The following EXOSC3 variants were observed in gnomAD, a reference collection of about 807,000 sequenced individuals.
EXOSC3 encodes exosome component 3.
EXOSC3 carries 18 observed loss-of-function variants against 25.1 expected under a neutral mutation model. The observed-to-expected ratio is 0.72, with a 90% CI of 0.50 to 1.06. EXOSC3 has a LOEUF of 1.06. Among genes scored for constraint, EXOSC3 ranks in the 50% least tolerant of loss-of-function variants. EXOSC3 has a pLI of 0.00. For missense variants in EXOSC3, 382 were observed against 350.9 expected, an observed-to-expected ratio of 1.09 and a Z score of -0.71; for synonymous variants, 165 against 132.2, an observed-to-expected ratio of 1.25 and a Z score of -1.70.
intron 2 of EXOSC3, among the ~76,000 whole-genome samples, chr9:37,783,074 C>T (rs1201325700): frequency 3.9e-5 from 6 of 152,060 alleles, no homozygotes; most frequent in Non-Finnish European, 5.9e-5. Flanking sequence ...AGTTTAATGG[C>T]GTTTGGTGTG....
chr9:37,784,645 T>C, intron 1 of EXOSC3, 76 bp downstream of exon 1: 1 of 1,444,250 alleles, frequency 6.9e-7, no homozygotes, highest in Non-Finnish European at 9.2e-7. Context: ...AGGGTCCCTC[T>C]CTTCTTTTGG....
chr9:37,783,799 A>G, intron 2 of EXOSC3, 115 bp downstream of exon 2: 1 of 1,095,244 alleles, frequency 9.1e-7, no homozygotes, highest in Non-Finnish European at 1.2e-6. Context: ...GCAATTATAT[A>G]CAAGCTCAGA....
intron 2 of EXOSC3, among the ~76,000 whole-genome samples, chr9:37,783,462 C>T (rs1295487215): frequency 6.6e-6 from 1 of 152,084 alleles, no homozygotes; most frequent in East Asian, 1.9e-4. Flanking sequence ...TGTGGCTATG[C>T]TACCTGAAAA....
At chr9:37,781,674 G>A in intron 3 of EXOSC3, 1 of 261,798 alleles carries the variant, frequency 3.8e-6, no homozygotes, top group Non-Finnish European at 7.2e-6. Flanking sequence ...CAGGGGAAAG[G>A]CCAGTTTTCA....
chr9:37,784,210 A>T lies in EXOSC3; in HGVS notation c.325-147T>A, dbSNP rs566332754. 1.2e-4 allele frequency: 103 copies of T among 877,004 alleles called. 2 individuals carry two copies. The South Asian group carries it at 1.8e-3, about 15-fold the overall frequency. 54.3% of individuals were successfully genotyped at this position (877,004 alleles called of 1,614,324 possible). On this transcript the variant is annotated intron_variant, in intron 1 of 3. Transcript: ENST00000327304. ...TTTCGGTAAAAGAAAATCACTTCAT[A>T]AAGTGCCGGGTGTGCAGCTTCTGGT...
chr9:37,782,101 T>C lies in EXOSC3; in HGVS notation c.511A>G (p.Asn171Asp), dbSNP rs141077639. Residue 171 changes from asparagine to aspartate, a missense_variant, in exon 3 of 4, where the codon AAT (asparagine) becomes GAT (aspartate). Coordinates refer to ENST00000327304, the MANE Select transcript of EXOSC3 (RefSeq NM_016042.4). ...ACCATCTCTGGTTCCATGTCTTTAT[T>C]AGCAACCACAAACTGGCCATAGATG... ...DLIYGQFVVA[N>D]KDMEPEMVCI... 8 of 1,614,126 alleles carry C rather than the reference T, an allele frequency of 5.0e-6. No individual in the cohort carries two copies. The East Asian group carries it at 1.8e-4, about 36-fold the overall frequency.
chr9:37,785,010 A>G lies in EXOSC3; in HGVS notation c.35T>C (p.Leu12Pro), dbSNP rs1447275667. Residue 12 changes from leucine (L) to proline (P), a missense_variant, in exon 1 of 4, where the codon CTC becomes CCC. By Grantham distance (98) the Leu-to-Pro change is moderately conservative. Transcript: ENST00000327304. Reference protein sequence around the residue: ...AEPASVAAESLAGSRARAART... With the variant: ...AEPASVAAESPAGSRARAART... ...TGCAGCGCGCGCCCTGCTGCCCGCG[A>G]GAGATTCAGCCGCGACAGACGCAGG... The G allele has an allele frequency of 6.2e-7, 1 of 1,604,316 alleles. No homozygotes were observed. Among genetic ancestry groups the G allele is most frequent in the East Asian group, 2.2e-5 (1 of 44,612 alleles).
At chr9:37,784,632 C>T in intron 1 of EXOSC3, 89 bp downstream of exon 1, 2 of 1,394,460 alleles carry the variant, frequency 1.4e-6, no homozygotes, top group South Asian at 1.5e-5. Context: ...AAAAGAGGGC[C>T]TCAGGGTCCC....
chr9:37,781,730 T>G (rs142103242), intron 3 of EXOSC3: 3 of 410,796 alleles, frequency 7.3e-6, no homozygotes, highest in African/African-American at 2.1e-5. Flanking sequence ...AAGGAAGATA[T>G]GAATACAGAG....
At position 37,781,989 on chromosome 9, in the gene EXOSC3, CTAAT is replaced by C; in HGVS notation, c.619_622del (p.Ile207GlufsTer4). The C allele has an allele frequency of 1.9e-6, 3 of 1,612,684 alleles. No individual in the cohort carries two copies. Among genetic ancestry groups the C allele is most frequent in the Non-Finnish European group, 1.7e-6 (2 of 1,179,694 alleles). On this transcript the variant is annotated frameshift_variant, in exon 3 of 4. Coordinates refer to ENST00000327304, the MANE Select transcript of EXOSC3 (RefSeq NM_016042.4). LOFTEE classifies it high-confidence loss of function. ...GCCAGCAGACATCAGGACTTACTTT[CTAAT>C]TAAGCCCAGAGTCACTTTAAAAAGC... is the stretch of plus-strand genomic sequence containing the variant.
At position 37,784,955 on chromosome 9, in the gene EXOSC3, C is replaced by T. The variant is rs1322992864; in HGVS notation, c.90G>A (p.Pro30=). Residue 30 remains proline (P), a synonymous_variant, in exon 1 of 4, where the codon CCG becomes CCA. Transcript: ENST00000327304. ...ARTVLGQVVL[P]GEELLLPEQE... is the part of the protein sequence containing the mutation. Reference sequence around the variant, plus strand: ...GTTCCGGCAGGAGCAGCTCCTCACCCGGGAGCACCACCTGACCTAGTACTG... The same window carrying T: ...GTTCCGGCAGGAGCAGCTCCTCACCTGGGAGCACCACCTGACCTAGTACTG... 2 of 1,612,870 alleles carry T rather than the reference C, an allele frequency of 1.2e-6. No homozygotes were observed. The highest frequency in any genetic ancestry group is 1.1e-5 in the South Asian group (1 of 90,910).
In EXOSC3 at chr9:37,782,056, G is replaced by A. The variant is rs149049356; in HGVS notation, c.556C>T (p.Arg186Ter). The A allele has an allele frequency of 3.7e-6, 6 of 1,609,876 alleles. No individual in the cohort carries two copies. The highest frequency in any genetic ancestry group is 2.3e-5 in the East Asian group (1 of 44,394). ...PEMVCIDSCG[R>*]ANGMGVIGQD... ...CCAATGACACCCATTCCATTGGCTCGTCCACAGCTGTCAATACAGACCATC... is the reference window on the plus strand; with the variant it reads ...CCAATGACACCCATTCCATTGGCTCATCCACAGCTGTCAATACAGACCATC... Residue 186 changes from arginine to a stop codon, truncating the protein, a stop_gained, in exon 3 of 4, where the codon CGA becomes TGA. Transcript: ENST00000327304. LOFTEE classifies it high-confidence loss of function.
At chr9:37,785,074 A>ACCCGCCTTCCGCTTCCGCTC (rs1467257698), upstream of EXOSC3, 3 of 1,566,090 alleles carry the variant, frequency 1.9e-6, no homozygotes, top group African/African-American at 4.0e-5. Flanking sequence ...CGTTTCCGGT[A>ACCCGCCTTCCGCTTCCGCTC]CCCGCCTTCC....
rs1160669103 is a variant in EXOSC3 at position 37,781,989 on chromosome 9, C to CTAAT, written c.619_622dup (p.Arg208AsnfsTer2). The CTAAT allele has an allele frequency of 6.2e-6, 10 of 1,612,566 alleles. No individual in the cohort carries two copies. The highest frequency in any genetic ancestry group is 8.5e-6 in the Non-Finnish European group (10 of 1,179,702). On this transcript the variant is annotated stop_gained and frameshift_variant, in exon 3 of 4. Coordinates refer to ENST00000327304, the MANE Select transcript of EXOSC3 (RefSeq NM_016042.4). LOFTEE classifies it high-confidence loss of function. ...GCCAGCAGACATCAGGACTTACTTT[C>CTAAT]TAATTAAGCCCAGAGTCACTTTAAA...
chr9:37,783,844 C>A, intron 2 of EXOSC3, 70 bp downstream of exon 2: 2 of 1,510,906 alleles, frequency 1.3e-6, no homozygotes, highest in Admixed American at 2.1e-5. Flanking sequence ...ATTCAGATAG[C>A]CTTCTGGATA....
At position 37,780,674 on chromosome 9, in the gene EXOSC3, C is replaced by T; in HGVS notation, c.*5G>A. On this transcript the variant is annotated 3_prime_UTR_variant, in exon 4 of 4. Coordinates refer to ENST00000327304, the MANE Select transcript of EXOSC3 (RefSeq NM_016042.4). ...TCAACTGACCTGTAAAAAAGTCCACCTATATCAACTTTCTGCCAATCTGGA... is the reference window on the plus strand; with the variant it reads ...TCAACTGACCTGTAAAAAAGTCCACTTATATCAACTTTCTGCCAATCTGGA... The T allele has an allele frequency of 2.5e-6, 4 of 1,612,538 alleles. No individual in the cohort carries two copies. In the South Asian group the frequency reaches 3.3e-5, roughly 13 times the overall value.
chr9:37,784,298 T>C, intron 1 of EXOSC3: 1 of 515,348 alleles, frequency 1.9e-6, no homozygotes, highest in Non-Finnish European at 3.4e-6. Flanking sequence ...AGTCTCTAGC[T>C]TTGTGGCATA....
intron 1 of EXOSC3, chr9:37,784,405 C>A (rs886836597): frequency 2.0e-6 from 1 of 494,370 alleles, no homozygotes; most frequent in Non-Finnish European, 3.6e-6. Flanking sequence ...GAAATTAACT[C>A]CCTATGACAT....
rs375551078 is a variant in EXOSC3 at position 37,780,457 on chromosome 9, GTT to G, written c.*220_*221del. On this transcript the variant is annotated 3_prime_UTR_variant, in exon 4 of 4. Transcript: ENST00000327304. ...TTAACTCCAAATAAACCCTAATACT[GTT>G]TTTTAGTAAACTTTATTGTACCGAA... 12 of 510,988 alleles carry G rather than the reference GTT, an allele frequency of 2.3e-5. No homozygotes were observed. Among genetic ancestry groups the G allele is most frequent in the African/African-American group, 2.1e-4 (11 of 51,662 alleles). The allele number at this position is 510,988 out of a possible 1,614,324, so 31.7% of individuals were successfully genotyped here. A position where few individuals can be genotyped will look rare whatever the true frequency, so the allele number is the denominator to read the frequency against.
Sources: allele counts gnomAD v4.1 joint callset (sites outside exome capture counted in the v4.1 genomes callset), GRCh38; gene constraint gnomAD v4.1.1; transcripts MANE v1.5; gene names NCBI Gene and HGNC (gene_info 2026-07-23, HGNC 2026-07-21).